Variants in NFIA observed in about 807,000 individuals in gnomAD.
The protein encoded by NFIA is nuclear factor 1 A-type.
Under a neutral mutation model 62.8 loss-of-function variants are expected in NFIA, and 8 were observed. That is an observed-to-expected ratio of 0.13 (90% CI 0.07 to 0.23). The LOEUF is 0.23. NFIA is among the 10% of genes least tolerant of loss of function. NFIA has a pLI of 1.00. For missense variants in NFIA, 410 were observed against 642.1 expected, an observed-to-expected ratio of 0.64 and a Z score of 3.91; for synonymous variants, 235 against 238.1, an observed-to-expected ratio of 0.99 and a Z score of 0.12.
chr1:61,100,280 C>A (rs369363971), intron 2 of NFIA, among the ~76,000 whole-genome samples: 1 of 152,056 alleles, frequency 6.6e-6, no homozygotes, highest in Non-Finnish European at 1.5e-5. Context: ...AGTTGTAGAC[C>A]GTTATCATTT....
At chr1:61,234,958 GCTT>G (rs1654902541) in intron 2 of NFIA, among the ~76,000 whole-genome samples, 2 of 152,132 alleles carry the variant, frequency 1.3e-5, no homozygotes, top group African/African-American at 2.4e-5. Context: ...GGTTCCCCTG[GCTT>G]CTTATTTTAG....
chr1:61,364,330 T>C (rs1663469628), intron 6 of NFIA, among the ~76,000 whole-genome samples: 1 of 152,254 alleles, frequency 6.6e-6, no homozygotes, highest in African/African-American at 2.4e-5. Context: ...TTTCCATTGC[T>C]GTATCTCTAA....
intron 3 of NFIA, among the ~76,000 whole-genome samples, chr1:61,279,596 T>A (rs551172641): frequency 6.6e-6 from 1 of 152,352 alleles, no homozygotes; most frequent in East Asian, 1.9e-4. Context: ...TCCCTAAAGA[T>A]GTCTCCAGAG....
At chr1:61,129,080 G>A (rs1274404978) in intron 2 of NFIA, among the ~76,000 whole-genome samples, 26 of 151,246 alleles carry the variant, frequency 1.7e-4, no homozygotes, top group African/African-American at 5.6e-4. Flanking sequence ...CCACCACCAC[G>A]CCCGGCTAAT....
chr1:61,238,186 A>C (rs775936469), intron 2 of NFIA, among the ~76,000 whole-genome samples: 2 of 152,182 alleles, frequency 1.3e-5, no homozygotes, highest in Non-Finnish European at 2.9e-5. Context: ...TTTTGTGTTA[A>C]TTTATGTGAA....
chr1:61,179,826 G>A (rs1468513762), intron 2 of NFIA, among the ~76,000 whole-genome samples: 2 of 152,062 alleles, frequency 1.3e-5, no homozygotes, highest in Non-Finnish European at 2.9e-5. Context: ...TGTTTTGGGG[G>A]GTGAAAGTTG....
intron 2 of NFIA, among the ~76,000 whole-genome samples, chr1:61,265,755 A>G (rs1323930044): frequency 6.6e-6 from 1 of 152,248 alleles, no homozygotes; most frequent in African/African-American, 2.4e-5. Flanking sequence ...CCTGAAACAC[A>G]AAGTTTTCTG....
intron 2 of NFIA, among the ~76,000 whole-genome samples, chr1:61,248,609 T>C (rs796121223): frequency 6.6e-6 from 1 of 152,336 alleles, no homozygotes; most frequent in African/African-American, 2.4e-5. Context: ...GGGATTTAAA[T>C]GTTATTTAAA....
At position 61,256,434 on chromosome 1, in the gene NFIA, TAAAA is replaced by T. The variant is rs5774549; in HGVS notation, c.560-21065_560-21062del. Among the ~76,000 whole-genome samples, 472 of 101,996 alleles carry T rather than the reference TAAAA, an allele frequency of 4.6e-3. 7 individuals are homozygous for T. Among genetic ancestry groups the T allele is most frequent in the Admixed American group, 0.023 (216 of 9,332 alleles). The allele number at this position is 101,996 out of a possible 152,430, so 66.9% of individuals were successfully genotyped here. A position where few individuals can be genotyped will look rare whatever the true frequency, so the allele number is the denominator to read the frequency against. ...CTGGGTGAGAAAGTGAGACTCCATC[TAAAA>T]AAAAAAAAAAAAAAAAAAAATCTCA... On this transcript the variant is annotated intron_variant, in intron 2 of 10. Coordinates refer to ENST00000403491, the MANE Select transcript of NFIA (RefSeq NM_001134673.4).
At chr1:61,271,369 C>G (rs536045759) in intron 2 of NFIA, among the ~76,000 whole-genome samples, 1 of 152,112 alleles carries the variant, frequency 6.6e-6, no homozygotes, top group Admixed American at 6.5e-5. Context: ...CCTGGAATAC[C>G]AACATTAATG....
chr1:61,199,842 A>G (rs888284462), intron 2 of NFIA, among the ~76,000 whole-genome samples: 10 of 151,232 alleles, frequency 6.6e-5, no homozygotes, highest in Admixed American at 4.0e-4. Flanking sequence ...TAAAAATACA[A>G]AAATTAGCCG....
At chr1:61,338,367 G>A (rs533817292) in intron 4 of NFIA, among the ~76,000 whole-genome samples, 2 of 152,362 alleles carry the variant, frequency 1.3e-5, no homozygotes, top group Admixed American at 1.3e-4. Context: ...AATGGAACCA[G>A]GCATATGCCT....
intron 2 of NFIA, among the ~76,000 whole-genome samples, chr1:61,112,145 A>AT (rs1474932493): frequency 6.6e-6 from 1 of 150,526 alleles, no homozygotes; most frequent in Non-Finnish European, 1.5e-5. Context: ...TTAAAAAAAA[A>AT]CTATGCTCTA....
At chr1:61,344,735 G>C (rs1662121119) in intron 4 of NFIA, among the ~76,000 whole-genome samples, 1 of 152,188 alleles carries the variant, frequency 6.6e-6, no homozygotes, top group Non-Finnish European at 1.5e-5. Context: ...TTAACCATAG[G>C]CTGGACAAAC....
rs201196644 is a variant in NFIA at position 61,118,365 on chromosome 1, CTGT to C, written c.559+29691_559+29693del. Among the ~76,000 whole-genome samples the C allele has an allele frequency of 3.8e-4, 58 of 152,220 alleles. No individual in the cohort carries two copies. The East Asian group carries it at 0.01, about 27-fold the overall frequency. On this transcript the variant is annotated intron_variant, in intron 2 of 10. Transcript: ENST00000403491. The stretch of plus-strand genomic sequence containing the variant: ...TTAGGTGGTTTATTTATTCAGCCAA[CTGT>C]TGTTGGCTGCCCACTGTATACCAGG...
intron 6 of NFIA, among the ~76,000 whole-genome samples, chr1:61,381,366 A>G (rs370006749): frequency 6.6e-6 from 1 of 152,124 alleles, no homozygotes; most frequent in African/African-American, 2.4e-5. Context: ...AGGTTAGGTT[A>G]TCTTACAGTG....
rs576613886 is a variant in NFIA, at chr1:61,283,581, C to CAAAAAAAAAAAAAAA, written c.625+6009_625+6023dup. Among the ~76,000 whole-genome samples the CAAAAAAAAAAAAAAA allele has an allele frequency of 6.8e-4, 25 of 36,692 alleles. 1 individual carries two copies. The highest frequency in any genetic ancestry group is 2.7e-3 in the East Asian group (3 of 1,092). The allele number at this position is 36,692 out of a possible 152,430, so 24.1% of individuals were successfully genotyped here. The stretch of plus-strand genomic sequence containing the variant: ...TGGGTGACAGAACGAGACTCTGTCT[C>CAAAAAAAAAAAAAAA]AAAAAAAAAAAAAAAAAAAAAAAAA... On this transcript the variant is annotated intron_variant, in intron 3 of 10. Transcript: ENST00000403491.
intron 2 of NFIA, among the ~76,000 whole-genome samples, chr1:61,249,297 C>G (rs892799197): frequency 4.6e-5 from 7 of 152,036 alleles, no homozygotes; most frequent in African/African-American, 1.7e-4. Flanking sequence ...TGATTTTTTT[C>G]AGAAGGAAAT....
intron 2 of NFIA, among the ~76,000 whole-genome samples, chr1:61,185,892 C>T (rs1393877263): frequency 6.6e-6 from 1 of 152,066 alleles, no homozygotes; most frequent in African/African-American, 2.4e-5. Context: ...CTGAAATGCT[C>T]TTGTTAATTT....
Sources: gnomAD v4.1 joint callset for allele counts (sites outside exome capture counted in the v4.1 genomes callset) on GRCh38, gnomAD v4.1.1 for gene constraint, MANE v1.5 for transcripts, NCBI Gene and HGNC (gene_info 2026-07-23, HGNC 2026-07-21) for gene names.